The following ADAMTSL1 variants were observed in gnomAD, a reference collection of about 807,000 sequenced individuals.
ADAMTSL1 encodes ADAMTS like 1.
In ADAMTSL1, 126 loss-of-function variants were observed where a neutral mutation model predicts 201.8. That is an observed-to-expected ratio of 0.62 (90% CI 0.54 to 0.72). ADAMTSL1 has a LOEUF of 0.72. Ranked by LOEUF, ADAMTSL1 falls within the 30% of genes least tolerant of loss-of-function variation. ADAMTSL1 has a pLI of 0.00. For missense variants in ADAMTSL1, 2,679 were observed against 2,277.8 expected (o/e 1.18, Z -3.59); for synonymous variants, 1,121 against 903.4 (o/e 1.24, Z -4.32).
intron 1 of ADAMTSL1, among the ~76,000 whole-genome samples, chr9:18,013,402 T>A (rs1261969493): frequency 1.3e-5 from 2 of 152,028 alleles, no homozygotes; most frequent in Non-Finnish European, 2.9e-5. Context: ...GGTCGAGAGT[T>A]CTGTATGCAT....
intron 24 of ADAMTSL1, among the ~76,000 whole-genome samples, chr9:18,888,993 A>C (rs1431584662): frequency 1.3e-5 from 2 of 152,210 alleles, no homozygotes; most frequent in African/African-American, 4.8e-5. Flanking sequence ...ATAAGCACTC[A>C]AAATTTACCA....
At chr9:18,634,497 A>G (rs1826974145) in intron 5 of ADAMTSL1, among the ~76,000 whole-genome samples, 1 of 152,036 alleles carries the variant, frequency 6.6e-6, no homozygotes, top group Admixed American at 6.6e-5. Context: ...CGGGAAGCTA[A>G]GGCTGCAGTG....
intron 3 of ADAMTSL1, among the ~76,000 whole-genome samples, chr9:18,573,055 A>T (rs1348333299): frequency 6.6e-6 from 1 of 152,210 alleles, no homozygotes; most frequent in Non-Finnish European, 1.5e-5. Flanking sequence ...GATAATGGCC[A>T]TTGTTAGCCA....
intron 1 of ADAMTSL1, among the ~76,000 whole-genome samples, chr9:18,115,135 A>G (rs1190951788): frequency 6.6e-6 from 1 of 152,284 alleles, no homozygotes; most frequent in Middle Eastern, 3.4e-3. Context: ...CCCTAGACAG[A>G]TTTCCATCAA....
chr9:18,059,565 C>T (rs1822356813), intron 1 of ADAMTSL1, among the ~76,000 whole-genome samples: 1 of 152,040 alleles, frequency 6.6e-6, no homozygotes, highest in Non-Finnish European at 1.5e-5. Flanking sequence ...GATTTTTTCT[C>T]ACAGACAATG....
intron 9 of ADAMTSL1, among the ~76,000 whole-genome samples, chr9:18,670,314 G>C: frequency 6.6e-6 from 1 of 152,224 alleles, no homozygotes; most frequent in East Asian, 1.9e-4. Flanking sequence ...AAAGAGAGAA[G>C]AGAAGATCTT....
intron 26 of ADAMTSL1, among the ~76,000 whole-genome samples, chr9:18,895,864 A>G: frequency 6.6e-6 from 1 of 152,242 alleles, no homozygotes; most frequent in Non-Finnish European, 1.5e-5. Flanking sequence ...GGCCCATTTT[A>G]AGGAAGAAAA....
At chr9:18,461,922 A>T (rs1820822909) in intron 2 of ADAMTSL1, among the ~76,000 whole-genome samples, 1 of 151,998 alleles carries the variant, frequency 6.6e-6, no homozygotes, top group Non-Finnish European at 1.5e-5. Context: ...CATATACTAA[A>T]CTCCGTGCAT....
intron 1 of ADAMTSL1, among the ~76,000 whole-genome samples, chr9:18,076,781 A>G (rs533352322): frequency 2.8e-4 from 43 of 152,206 alleles, no homozygotes; most frequent in Admixed American, 1.7e-3. Flanking sequence ...TGGGCTATGT[A>G]CATTATTGAT....
chr9:17,950,076 T>C (rs1275983145), intron 1 of ADAMTSL1, among the ~76,000 whole-genome samples: 5 of 152,066 alleles, frequency 3.3e-5, no homozygotes, highest in Non-Finnish European at 7.4e-5. Context: ...GCACCGCCAC[T>C]GCCAGCTTAT....
rs376881659 is a variant in ADAMTSL1, at chr9:18,185,661, G to A, written c.207+21680G>A. On this transcript the variant is annotated intron_variant, in intron 2 of 29. Coordinates refer to the ADAMTSL1 transcript ENST00000680146. ...CAACTGACAAGGAGACAAAATTATC[G>A]AGAAATTATTAAAAAAACACTAGCT... is the stretch of plus-strand genomic sequence containing the variant. 1.1e-4 allele frequency among the ~76,000 whole-genome samples: 17 copies of A among 152,118 alleles called. No homozygotes were observed. The South Asian group carries it at 1.9e-3, about 17-fold the overall frequency.
chr9:18,648,507 A>G (rs1164550808), intron 7 of ADAMTSL1, among the ~76,000 whole-genome samples: 2 of 151,722 alleles, frequency 1.3e-5, no homozygotes, highest in African/African-American at 4.8e-5. Context: ...TTTTGGCATG[A>G]TTTTGCAGCG....
intron 3 of ADAMTSL1, among the ~76,000 whole-genome samples, chr9:18,571,139 G>T (rs1279592996): frequency 2.0e-5 from 3 of 152,214 alleles, no homozygotes; most frequent in African/African-American, 4.8e-5. Context: ...AATCATAGGA[G>T]ACTCTGTAGA....
chr9:18,647,092 T>A (rs1489676903), intron 7 of ADAMTSL1, among the ~76,000 whole-genome samples: 1 of 151,872 alleles, frequency 6.6e-6, no homozygotes, highest in Admixed American at 6.6e-5. Flanking sequence ...ACTCAGAGAT[T>A]CAACTTCTTC....
At chr9:17,954,472 A>T (rs1827851671) in intron 1 of ADAMTSL1, among the ~76,000 whole-genome samples, 1 of 152,178 alleles carries the variant, frequency 6.6e-6, no homozygotes, top group Admixed American at 6.5e-5. Flanking sequence ...CTTCTATTTC[A>T]TTGCATATTT....
At chr9:17,963,707 T>C (rs1817852284) in intron 1 of ADAMTSL1, among the ~76,000 whole-genome samples, 1 of 152,148 alleles carries the variant, frequency 6.6e-6, no homozygotes, top group Non-Finnish European at 1.5e-5. Flanking sequence ...AGATTCAAAT[T>C]GGAGGACACT....
intron 1 of ADAMTSL1, among the ~76,000 whole-genome samples, chr9:18,495,351 A>G (rs964059413): frequency 7.2e-5 from 11 of 152,138 alleles, no homozygotes; most frequent in Admixed American, 2.0e-4. Context: ...GACCTCTGAG[A>G]CTAATCACTG....
intron 1 of ADAMTSL1, among the ~76,000 whole-genome samples, chr9:17,963,369 T>C (rs900055149): frequency 6.6e-6 from 1 of 152,162 alleles, no homozygotes; most frequent in Non-Finnish European, 1.5e-5. Context: ...ACTGTGGACA[T>C]TTTGAGGGGA....
intron 2 of ADAMTSL1, among the ~76,000 whole-genome samples, chr9:18,209,265 C>G (rs1167563330): frequency 6.6e-6 from 1 of 151,226 alleles, no homozygotes; most frequent in African/African-American, 2.4e-5. Context: ...TTTGTGATGG[C>G]TGAAAGAACC....
Sources: gnomAD v4.1 joint callset for allele counts (sites outside exome capture counted in the v4.1 genomes callset) on GRCh38, gnomAD v4.1.1 for gene constraint, MANE v1.5 for transcripts, NCBI Gene and HGNC (gene_info 2026-07-23, HGNC 2026-07-21) for gene names.